Variants in OR10G3 observed in about 807,000 individuals in gnomAD.
OR10G3 encodes olfactory receptor family 10 subfamily G member 3, also known as olfactory receptor 10G3.
A neutral mutation model predicts 13.4 loss-of-function variants in OR10G3; 8 were observed. The ratio of observed to expected loss-of-function variants is 0.60; its 90% CI spans 0.35 to 1.08. The LOEUF is 1.08. OR10G3 is among the 50% of genes least tolerant of loss of function. OR10G3 has a pLI of 0.02. For synonymous variants in OR10G3, 142 were observed against 156.1 expected, an observed-to-expected ratio of 0.91 and a Z score of 0.67; for missense variants, 393 against 386.6, an observed-to-expected ratio of 1.02 and a Z score of -0.14.
intron 1 of OR10G3, among the ~76,000 whole-genome samples, chr14:21,575,500 C>A (rs1203500566): frequency 6.6e-6 from 1 of 152,064 alleles, no homozygotes; most frequent in African/African-American, 2.4e-5. Flanking sequence ...CCTGCCTTAG[C>A]CTCCTGAGTA....
At chr14:21,572,471 C>A (rs1181185524) in intron 1 of OR10G3, among the ~76,000 whole-genome samples, 1 of 150,854 alleles carries the variant, frequency 6.6e-6, no homozygotes, top group South Asian at 2.1e-4. Context: ...GTCGTGGGTG[C>A]CTGTACTCCC....
At chr14:21,574,447 C>T (rs1893106355) in intron 1 of OR10G3, among the ~76,000 whole-genome samples, 1 of 152,082 alleles carries the variant, frequency 6.6e-6, no homozygotes, top group African/African-American at 2.4e-5. Context: ...CACTCCTGTG[C>T]AGGGCAGCAT....
rs1222236182 is a variant in OR10G3, at chr14:21,570,054, T to C, written c.691A>G (p.Thr231Ala). 4.3e-6 allele frequency: 7 copies of C among 1,614,188 alleles called. No individual in the cohort carries two copies. In the African/African-American group the frequency reaches 5.3e-5, roughly 12 times the overall value. Residue 231 changes from threonine (T) to alanine (A), a missense_variant, in exon 2 of 2, where the codon ACA (threonine) becomes GCA (alanine). By Grantham distance (58) the Thr-to-Ala change is moderately conservative (BLOSUM62 0). Transcript: ENST00000641040. ...AAAGCCCGGCGCCGCCCATCAGCTG[T>C]GTGGATTCTCAGGATGGCCTGAATG... is the stretch of plus-strand genomic sequence containing the variant. ...QIIQAILRIH[T>A]ADGRRRAFST...
At chr14:21,573,690 A>G (rs1299604639) in intron 1 of OR10G3, among the ~76,000 whole-genome samples, 1 of 151,638 alleles carries the variant, frequency 6.6e-6, no homozygotes, top group Non-Finnish European at 1.5e-5. Context: ...AAAAGTACGA[A>G]GTTTCAGTTA....
chr14:21,572,495 G>T (rs1893081963), intron 1 of OR10G3, among the ~76,000 whole-genome samples: 1 of 150,468 alleles, frequency 6.6e-6, no homozygotes, highest in Admixed American at 6.6e-5. Context: ...TACTTGGGAG[G>T]CTGAGGCAGG....
rs1483228918 is a variant in OR10G3 at position 21,569,939 on chromosome 14, A to G, written c.806T>C (p.Leu269Pro). 1.9e-6 allele frequency: 3 copies of G among 1,612,942 alleles called. No homozygotes were observed. The highest frequency in any genetic ancestry group is 2.5e-6 in the Non-Finnish European group (3 of 1,179,330). The part of the protein sequence containing the change: ...IYLRPETNSP[L>P]DGAAALVPTA... The stretch of plus-strand genomic sequence containing the variant: ...GGGGACTAGGGCAGCTGCCCCATCC[A>G]GGGGGCTGTTGGTTTCAGGCCTCAG... Residue 269 changes from leucine (L) to proline (P), a missense_variant, in exon 2 of 2, where the codon CTG (leucine) becomes CCG (proline). By Grantham distance (98) the Leu-to-Pro change is moderately conservative. Coordinates refer to ENST00000641040, the MANE Select transcript of OR10G3 (RefSeq NM_001005465.2).
intron 1 of OR10G3, among the ~76,000 whole-genome samples, chr14:21,578,297 G>T (rs1480877359): frequency 1.3e-5 from 2 of 152,038 alleles, no homozygotes; most frequent in East Asian, 1.9e-4. Flanking sequence ...TGTAATCCCA[G>T]CTACACAGGA....
chr14:21,578,339 A>G (rs570952629), intron 1 of OR10G3, among the ~76,000 whole-genome samples: 1 of 152,282 alleles, frequency 6.6e-6, no homozygotes, highest in South Asian at 2.1e-4. Flanking sequence ...TGAACCCGGA[A>G]GGCAGAGGTT....
At position 21,569,994 on chromosome 14, in the gene OR10G3, C is replaced by T. The variant is rs34162196; in HGVS notation, c.751G>A (p.Val251Met). ...TCGAHVTVVT[V>M]YYVPCAFIYL... ...ATGAAGGCACAGGGCACATAGTACA[C>T]GGTGACCACGGTTACATGGGCTCCA... Residue 251 changes from valine to methionine, a missense_variant, in exon 2 of 2, where the codon GTG (valine) becomes ATG (methionine). Coordinates refer to ENST00000641040, the MANE Select transcript of OR10G3 (RefSeq NM_001005465.2). 142,962 of 1,613,788 alleles carry T rather than the reference C, an allele frequency of 0.089. 7,172 individuals are homozygous for T. The highest frequency in any genetic ancestry group is 0.1 in the Non-Finnish European group (118,832 of 1,179,760).
chr14:21,572,914 C>G (rs1456983697), intron 1 of OR10G3, among the ~76,000 whole-genome samples: 1 of 152,154 alleles, frequency 6.6e-6, no homozygotes, highest in South Asian at 2.1e-4. Flanking sequence ...TATTTGGTAT[C>G]TTTTTGTTCC....
chr14:21,574,029 C>T (rs1021519920), intron 1 of OR10G3, among the ~76,000 whole-genome samples: 2 of 151,970 alleles, frequency 1.3e-5, no homozygotes, highest in African/African-American at 4.8e-5. Context: ...TTTGGCTGGG[C>T]GCGGTGGCTG....
chr14:21,576,691 T>A lies in OR10G3; in HGVS notation c.-18+3095A>T, dbSNP rs538233703. Among the ~76,000 whole-genome samples the A allele has an allele frequency of 7.9e-5, 12 of 152,346 alleles. No homozygotes were observed. In the East Asian group the frequency reaches 2.3e-3, roughly 29 times the overall value. On this transcript the variant is annotated intron_variant, in intron 1 of 1. Transcript: ENST00000641040. ...TTTATTTTTCATACTGTTTTCTTGTTTGCTTTGGAGAATATTCTAAGATTT... is the reference window on the plus strand; with the variant it reads ...TTTATTTTTCATACTGTTTTCTTGTATGCTTTGGAGAATATTCTAAGATTT...
At chr14:21,578,484 T>C in intron 1 of OR10G3, among the ~76,000 whole-genome samples, 1 of 151,978 alleles carries the variant, frequency 6.6e-6, no homozygotes, top group East Asian at 1.9e-4. Context: ...TTGAAAAATA[T>C]ATGAGAAATA....
intron 1 of OR10G3, among the ~76,000 whole-genome samples, chr14:21,577,287 G>A (rs1392497000): frequency 3.3e-5 from 5 of 152,216 alleles, no homozygotes; most frequent in South Asian, 2.1e-4. Flanking sequence ...TGAAACCTCC[G>A]GGGACCAGAG....
rs376143433 is a variant in OR10G3 at position 21,570,318 on chromosome 14, C to T, written c.427G>A (p.Ala143Thr). 4.7e-5 allele frequency: 76 copies of T among 1,614,102 alleles called. No individual in the cohort carries two copies. Among genetic ancestry groups the T allele is most frequent in the Non-Finnish European group, 6.1e-5 (72 of 1,180,058 alleles). The change falls in exon 2 of 2, where the codon GCC (alanine) becomes ACC (threonine). Residue 143 changes from alanine to threonine, a missense_variant. By Grantham distance (58) the Ala-to-Thr change is moderately conservative. Transcript: ENST00000641040. Reference protein sequence around the residue: ...YPVLMTAKLSALLVAGAWMAG... With the variant: ...YPVLMTAKLSTLLVAGAWMAG... Reference sequence around the variant, plus strand: ...ATCCAGGCTCCAGCCACAAGCAAGGCGCTCAGCTTAGCAGTCATGAGCACA... The same window carrying T: ...ATCCAGGCTCCAGCCACAAGCAAGGTGCTCAGCTTAGCAGTCATGAGCACA...
At chr14:21,574,349 T>C (rs1893105277) in intron 1 of OR10G3, among the ~76,000 whole-genome samples, 1 of 151,250 alleles carries the variant, frequency 6.6e-6, no homozygotes, top group Admixed American at 6.6e-5. Flanking sequence ...TTTTTTTCTC[T>C]GGACTGATTT....
At chr14:21,571,751 T>C (rs972186401) in intron 1 of OR10G3, among the ~76,000 whole-genome samples, 1 of 152,058 alleles carries the variant, frequency 6.6e-6, no homozygotes, top group Admixed American at 6.5e-5. Context: ...CTCAGCTCAC[T>C]GAAACCTCTG....
chr14:21,571,824 C>T (rs1893072616), intron 1 of OR10G3, among the ~76,000 whole-genome samples: 1 of 151,990 alleles, frequency 6.6e-6, no homozygotes, highest in African/African-American at 2.4e-5. Flanking sequence ...CAGGCATATG[C>T]TACCATGCCT....
intron 1 of OR10G3, among the ~76,000 whole-genome samples, chr14:21,577,275 G>C (rs1013795754): frequency 6.6e-6 from 1 of 152,164 alleles, no homozygotes; most frequent in African/African-American, 2.4e-5. Flanking sequence ...ACATGGCACC[G>C]ATGAAACCTC....
Sources: gnomAD v4.1 joint callset for allele counts (sites outside exome capture counted in the v4.1 genomes callset) on GRCh38, gnomAD v4.1.1 for gene constraint, MANE v1.5 for transcripts, NCBI Gene and HGNC (gene_info 2026-07-23, HGNC 2026-07-21) for gene names.